Variants in RARB observed in about 807,000 individuals in gnomAD.
RARB encodes retinoic acid receptor beta.
RARB carries 17 observed loss-of-function variants against 51.9 expected under a neutral mutation model. That is an observed-to-expected ratio of 0.33 (90% CI 0.22 to 0.49). The LOEUF (loss-of-function observed/expected upper bound fraction) is 0.49, where lower values mean the gene tolerates loss of function less well. Among genes scored for constraint, RARB ranks in the 20% least tolerant of loss-of-function variants. The pLI, the probability that RARB is intolerant of heterozygous loss-of-function variation, is 0.99. For missense variants in RARB, 369 were observed against 550.8 expected, an observed-to-expected ratio of 0.67 and a Z score of 3.30; for synonymous variants, 215 against 195.4, an observed-to-expected ratio of 1.10 and a Z score of -0.84.
intron 5 of RARB, among the ~76,000 whole-genome samples, chr3:25,307,373 C>A (rs1006552069): frequency 6.7e-6 from 1 of 149,684 alleles, no homozygotes; most frequent in Non-Finnish European, 1.5e-5. Flanking sequence ...TGAGACAGAA[C>A]GAAACTCTGT....
exon 5 of RARB, chr3:25,174,310 C>T (rs144893198): frequency 1.8e-6 from 2 of 1,136,008 alleles, no homozygotes; most frequent in East Asian, 4.8e-5. Context: ...TCAACTCCTG[C>T]AGTGCATTTG....
At chr3:25,457,647 G>T (rs1694986331) in intron 1 of RARB, among the ~76,000 whole-genome samples, 3 of 152,140 alleles carry the variant, frequency 2.0e-5, no homozygotes, top group African/African-American at 7.2e-5. Flanking sequence ...AGTTTCTTGG[G>T]TATTAAATTA....
At chr3:24,957,376 T>G (rs1257312482) in intron 2 of RARB, among the ~76,000 whole-genome samples, 1 of 152,134 alleles carries the variant, frequency 6.6e-6, no homozygotes, top group Non-Finnish European at 1.5e-5. Context: ...TTATAAATAT[T>G]ATTGAGGGGT....
At chr3:25,343,034 G>T (rs962191876) in intron 5 of RARB, among the ~76,000 whole-genome samples, 5 of 56,786 alleles carry the variant, frequency 8.8e-5, no homozygotes, top group African/African-American at 2.2e-4. Flanking sequence ...TTGTGTGTGT[G>T]TGTGTGTGTG....
At position 25,547,804 on chromosome 3, in the gene RARB, TG is replaced by T. The variant is rs1699677160; in HGVS notation, c.449-21952del. On this transcript the variant is annotated intron_variant, in intron 3 of 7. Transcript: ENST00000330688. ...GAAAGGAGGATAGACGGTGGGTGGA[TG>T]GAAAAAAGGGTAAATTAAGACAAAG... Among the ~76,000 whole-genome samples, 3 of 152,058 alleles carry T rather than the reference TG, an allele frequency of 2.0e-5. No individual in the cohort carries two copies. The South Asian group carries it at 6.2e-4, about 32-fold the overall frequency.
At chr3:25,202,095 A>T (rs568616682) in intron 5 of RARB, among the ~76,000 whole-genome samples, 15 of 152,288 alleles carry the variant, frequency 9.8e-5, no homozygotes, top group South Asian at 2.1e-4. Context: ...GCTATTAATT[A>T]TTGCCTTAAT....
chr3:25,139,650 A>G (rs1700080373), intron 4 of RARB, among the ~76,000 whole-genome samples: 1 of 152,212 alleles, frequency 6.6e-6, no homozygotes, highest in South Asian at 2.1e-4. Context: ...AAGGTACATC[A>G]AGTTACACAG....
chr3:25,041,615 C>A (rs190697758), intron 2 of RARB, among the ~76,000 whole-genome samples: 6 of 151,704 alleles, frequency 4.0e-5, no homozygotes, highest in Non-Finnish European at 8.8e-5. Flanking sequence ...AATTCTCCAG[C>A]TAAGAATGTT....
At chr3:25,224,809 T>C (rs1702019431) in intron 5 of RARB, among the ~76,000 whole-genome samples, 1 of 152,026 alleles carries the variant, frequency 6.6e-6, no homozygotes, top group Non-Finnish European at 1.5e-5. Context: ...TTTGCCATGT[T>C]GCCCAGGCTG....
At position 25,235,989 on chromosome 3, in the gene RARB, T is replaced by G. The variant is rs910479741; in HGVS notation, c.178+61414T>G. On this transcript the variant is annotated intron_variant, in intron 5 of 11. Transcript: ENST00000383772. ...CATCTCTAGATACTTTATAAGATTT[T>G]AAACCTCAAGTCTATATATCCTGAA... 5.9e-5 allele frequency among the ~76,000 whole-genome samples: 9 copies of G among 152,290 alleles called. 1 individual carries two copies. Among genetic ancestry groups the G allele is most frequent in the Admixed American group, 2.6e-4 (4 of 15,296 alleles).
At chr3:25,245,734 C>T (rs999146053) in intron 5 of RARB, among the ~76,000 whole-genome samples, 1 of 152,152 alleles carries the variant, frequency 6.6e-6, no homozygotes, top group Admixed American at 6.5e-5. Flanking sequence ...CTGCCCTTAA[C>T]ATTTTTTTCC....
chr3:25,279,345 T>A (rs1483845), intron 5 of RARB, among the ~76,000 whole-genome samples: 123,259 of 152,118 alleles, frequency 0.81, 50,017 homozygotes, highest in East Asian at 0.85. Flanking sequence ...CCTGTTTTCT[T>A]TTTCTCTCTT....
intron 2 of RARB, among the ~76,000 whole-genome samples, chr3:25,035,939 G>A (rs1360076100): frequency 2.6e-5 from 4 of 152,166 alleles, no homozygotes; most frequent in African/African-American, 4.8e-5. Context: ...GAACTGCCAT[G>A]GAGGGCCACA....
At chr3:25,275,647 C>T (rs1322642361) in intron 5 of RARB, among the ~76,000 whole-genome samples, 1 of 152,176 alleles carries the variant, frequency 6.6e-6, no homozygotes, top group Non-Finnish European at 1.5e-5. Flanking sequence ...AGTAACTAAG[C>T]CCATCTTGGT....
intron 2 of RARB, among the ~76,000 whole-genome samples, chr3:25,469,090 A>G (rs1052711296): frequency 6.6e-6 from 1 of 152,154 alleles, no homozygotes; most frequent in East Asian, 1.9e-4. Flanking sequence ...AATTTTGTCC[A>G]TTTTTCTCAT....
At chr3:25,199,591 A>T (rs1273257377) in intron 5 of RARB, among the ~76,000 whole-genome samples, 1 of 151,848 alleles carries the variant, frequency 6.6e-6, no homozygotes, top group Non-Finnish European at 1.5e-5. Flanking sequence ...TCCTAATGCT[A>T]TCCCTTCCCC....
Position 25,589,457 on chromosome 3 carries a change from T to C in RARB, c.787-4046T>C, listed in dbSNP as rs565144981. Among the ~76,000 whole-genome samples the C allele has an allele frequency of 2.6e-5, 4 of 152,332 alleles. No individual in the cohort carries two copies. The South Asian group carries it at 8.3e-4, about 32-fold the overall frequency. ...CCTCTGATGAACATTTTGGACAACATGCTCTGGCTGCTGTGGATTGACCGC... is the reference window on the plus strand; with the variant it reads ...CCTCTGATGAACATTTTGGACAACACGCTCTGGCTGCTGTGGATTGACCGC... On this transcript the variant is annotated intron_variant, in intron 5 of 7. Transcript: ENST00000330688.
intron 2 of RARB, among the ~76,000 whole-genome samples, chr3:24,894,395 T>G (rs1301917785): frequency 1.3e-5 from 2 of 151,924 alleles, no homozygotes; most frequent in Non-Finnish European, 2.9e-5. Flanking sequence ...GTTACTTCAC[T>G]TAGGATAATG....
intron 5 of RARB, among the ~76,000 whole-genome samples, chr3:25,413,048 A>T (rs908257251): frequency 6.6e-6 from 1 of 151,988 alleles, no homozygotes; most frequent in African/African-American, 2.4e-5. Flanking sequence ...AAGAAGAAGA[A>T]AGAAAAAATA....
Sources: gnomAD v4.1 joint callset for allele counts (sites outside exome capture counted in the v4.1 genomes callset) on GRCh38, gnomAD v4.1.1 for gene constraint, MANE v1.5 for transcripts, NCBI Gene and HGNC (gene_info 2026-07-23, HGNC 2026-07-21) for gene names.